The following PRKCH variants were observed in gnomAD, a reference collection of about 807,000 sequenced individuals.
PRKCH encodes the protein protein kinase C eta.
Under a neutral mutation model 82.5 loss-of-function variants are expected in PRKCH, and 28 were observed. The ratio of observed to expected loss-of-function variants is 0.34; its 90% CI spans 0.25 to 0.47. The LOEUF (loss-of-function observed/expected upper bound fraction) is 0.47. Ranked by LOEUF, PRKCH falls within the 20% of genes least tolerant of loss-of-function variation. The pLI is 1.00. For missense variants in PRKCH, 705 were observed against 881.8 expected (o/e 0.80, Z 2.54); for synonymous variants, 322 against 327.4 (o/e 0.98, Z 0.18).
rs147357467 is a variant in PRKCH, at chr14:61,535,024, A to G, written c.1761+4429A>G. The stretch of plus-strand genomic sequence containing the variant: ...GTTATTAAGTGCTTAATTTTACACA[A>G]GGCTGTGGTAGGCTTTTATTCCTAA... On this transcript the variant is annotated intron_variant, in intron 12 of 13. Transcript: ENST00000332981. 3.1e-3 allele frequency among the ~76,000 whole-genome samples: 473 copies of G among 152,304 alleles called. 4 individuals are homozygous for G. Among genetic ancestry groups the G allele is most frequent in the African/African-American group, 0.011 (450 of 41,570 alleles).
chr14:61,486,325 G>T (rs547662939), intron 10 of PRKCH, among the ~76,000 whole-genome samples: 1 of 152,268 alleles, frequency 6.6e-6, no homozygotes, highest in Admixed American at 6.5e-5. Context: ...TGGCTCACCA[G>T]TCAGGAGCTA....
chr14:61,425,592 T>C (rs1457396535), intron 2 of PRKCH, among the ~76,000 whole-genome samples: 3 of 152,230 alleles, frequency 2.0e-5, no homozygotes, highest in African/African-American at 7.2e-5. Context: ...TTTTACAGGC[T>C]TATAGGCAGA....
chr14:61,447,490 A>G (rs542457505), intron 4 of PRKCH, among the ~76,000 whole-genome samples: 167 of 152,334 alleles, frequency 1.1e-3, no homozygotes, highest in African/African-American at 3.8e-3. Flanking sequence ...CAGTTTTCAC[A>G]TTCTTCTCGG....
chr14:61,483,729 C>T (rs1282986420), intron 9 of PRKCH, among the ~76,000 whole-genome samples: 4 of 152,276 alleles, frequency 2.6e-5, no homozygotes, highest in South Asian at 2.1e-4. Context: ...TGTGCAAAGC[C>T]GGTGGCACTT....
At chr14:61,533,082 G>A (rs1018749067) in intron 12 of PRKCH, among the ~76,000 whole-genome samples, 9 of 152,190 alleles carry the variant, frequency 5.9e-5, no homozygotes, top group Admixed American at 2.0e-4. Flanking sequence ...GAGTGGCCTT[G>A]GTGAGCCTCT....
chr14:61,298,727 T>C (rs905044559), intron 1 of PRKCH: 1 of 152,212 alleles, frequency 6.6e-6, no homozygotes, highest in Non-Finnish European at 1.5e-5. Context: ...GTTTTTGTTT[T>C]TGTTTTTACC....
intron 1 of PRKCH, among the ~76,000 whole-genome samples, chr14:61,383,253 C>A (rs534979625): frequency 5.6e-4 from 85 of 152,204 alleles, no homozygotes; most frequent in African/African-American, 1.8e-3. Flanking sequence ...GTAAATATTA[C>A]CTTTCCTATT....
intron 2 of PRKCH, among the ~76,000 whole-genome samples, chr14:61,422,652 G>A (rs2140247486): frequency 6.6e-6 from 1 of 152,306 alleles, no homozygotes; most frequent in Non-Finnish European, 1.5e-5. Flanking sequence ...TGGAGATAAA[G>A]CAGCAATTGC....
In PRKCH at chr14:61,528,565, A is replaced by T. The variant is rs560254123; in HGVS notation, c.1434-510A>T. ...CCGCATAAACACAATCCCCGCCGTC[A>T]TGGAGCTTCTAGCCTAGCAAATATT... On this transcript the variant is annotated intron_variant, in intron 10 of 13. Coordinates refer to ENST00000332981, the MANE Select transcript of PRKCH (RefSeq NM_006255.5). Among the ~76,000 whole-genome samples the T allele has an allele frequency of 2.6e-5, 4 of 152,200 alleles. No individual in the cohort carries two copies. The South Asian group carries it at 8.3e-4, about 32-fold the overall frequency.
At chr14:61,247,753 A>AAAAAAAAG (rs2044899661) in intron 1 of PRKCH, among the ~76,000 whole-genome samples, 1 of 150,376 alleles carries the variant, frequency 6.6e-6, no homozygotes, top group African/African-American at 2.4e-5. Flanking sequence ...AAAAAAAAAA[A>AAAAAAAAG]AAAAAGAAAG....
At chr14:61,507,983 G>A (rs1235810890) in intron 10 of PRKCH, among the ~76,000 whole-genome samples, 1 of 151,996 alleles carries the variant, frequency 6.6e-6, no homozygotes, top group African/African-American at 2.4e-5. Flanking sequence ...TGAAGATTAT[G>A]TACAGGTTTA....
At chr14:61,216,944 G>A (rs950332373) in intron 1 of PRKCH, among the ~76,000 whole-genome samples, 1 of 152,194 alleles carries the variant, frequency 6.6e-6, no homozygotes, top group African/African-American at 2.4e-5. Flanking sequence ...CCAGGGCTGT[G>A]TCTTTCTGGA....
At chr14:61,413,139 A>T (rs1882356986) in intron 2 of PRKCH, among the ~76,000 whole-genome samples, 1 of 152,220 alleles carries the variant, frequency 6.6e-6, no homozygotes, top group South Asian at 2.1e-4. Flanking sequence ...AACGTTTTGT[A>T]TCTGCGTCTC....
At chr14:61,514,484 C>T (rs1433108429) in intron 10 of PRKCH, among the ~76,000 whole-genome samples, 4 of 152,086 alleles carry the variant, frequency 2.6e-5, no homozygotes, top group Non-Finnish European at 2.9e-5. Context: ...ACAGAGTATG[C>T]TGTCCTGGTC....
chr14:61,396,081 G>GAAAAAA (rs34478520), intron 2 of PRKCH, among the ~76,000 whole-genome samples: 1 of 120,560 alleles, frequency 8.3e-6, no homozygotes, highest in African/African-American at 3.2e-5. Flanking sequence ...CCTTGTTTCA[G>GAAAAAA]AAAAAAAAAA....
rs1458307811 is a variant in PRKCH, at chr14:61,354,484, CT to C, written c.363+32027del. Among the ~76,000 whole-genome samples, 7 of 148,780 alleles carry C rather than the reference CT, an allele frequency of 4.7e-5. No individual in the cohort carries two copies. In the East Asian group the frequency reaches 1.4e-3, roughly 30 times the overall value. The stretch of plus-strand genomic sequence containing the variant: ...CCTATAGCTGTTTCTTTTTCTTTTC[CT>C]TTTTTTCCCCCTATATTTAGGGGTT... On this transcript the variant is annotated intron_variant, in intron 1 of 13. Transcript: ENST00000332981.
intron 9 of PRKCH, among the ~76,000 whole-genome samples, chr14:61,469,226 C>T (rs562811101): frequency 6.6e-5 from 10 of 152,266 alleles, no homozygotes; most frequent in Non-Finnish European, 1.3e-4. Context: ...CATGAGCCAC[C>T]GTGCCTGGCT....
chr14:61,280,040 C>T lies in PRKCH; in HGVS notation c.-19+92372C>T. 1.3e-6 allele frequency: 2 copies of T among 1,482,314 alleles called. No individual in the cohort carries two copies. Among genetic ancestry groups the T allele is most frequent in the African/African-American group, 1.4e-5 (1 of 71,094 alleles). The allele number at this position is 1,482,314 out of a possible 1,614,324, so 91.8% of individuals were successfully genotyped here. ...ACGGGCGAGGAGGAGATGCCAAAAGCACCTTGCAAGAGTTTTGGCAAGAAG... is the reference window on the plus strand; with the variant it reads ...ACGGGCGAGGAGGAGATGCCAAAAGTACCTTGCAAGAGTTTTGGCAAGAAG... On this transcript the variant is annotated intron_variant, in intron 1 of 3. Transcript: ENST00000555185. This position sits in a 1 kb window ranked among gnomAD's most constrained non-coding sequence, Gnocchi z 5.0.
chr14:61,251,084 G>C (rs1048824626), intron 1 of PRKCH, among the ~76,000 whole-genome samples: 1 of 152,026 alleles, frequency 6.6e-6, no homozygotes, highest in Non-Finnish European at 1.5e-5. Context: ...TATTTTGTGG[G>C]TACATAGTAG....
Sources: gnomAD v4.1 joint callset for allele counts (sites outside exome capture counted in the v4.1 genomes callset) on GRCh38, gnomAD v4.1.1 for gene constraint, Gnocchi (gnomAD v3.1) non-coding constraint, MANE v1.5 for transcripts, NCBI Gene and HGNC (gene_info 2026-07-23, HGNC 2026-07-21) for gene names.